Variants in NEGR1 observed in about 807,000 individuals in gnomAD.
NEGR1 encodes the protein neuronal growth regulator 1, also known as IgLON family member 4.
In NEGR1, 10 loss-of-function variants were observed where a neutral mutation model predicts 40.9. The ratio of observed to expected loss-of-function variants is 0.24; its 90% CI spans 0.15 to 0.42. NEGR1 has a LOEUF of 0.42. Among genes scored for constraint, NEGR1 ranks in the 10% least tolerant of loss-of-function variants. The pLI is 1.00. For synonymous variants in NEGR1, 185 were observed against 166.8 expected, an observed-to-expected ratio of 1.11 and a Z score of -0.84; for missense variants, 352 against 438.9, an observed-to-expected ratio of 0.80 and a Z score of 1.77.
chr1:71,871,457 A>G (rs1339132587), intron 2 of NEGR1, among the ~76,000 whole-genome samples: 2 of 152,180 alleles, frequency 1.3e-5, no homozygotes, highest in Non-Finnish European at 2.9e-5. Context: ...AGTAAACAAA[A>G]GAGTCATTTC....
chr1:71,958,776 A>G (rs1385128788), intron 1 of NEGR1, among the ~76,000 whole-genome samples: 1 of 151,942 alleles, frequency 6.6e-6, no homozygotes, highest in Non-Finnish European at 1.5e-5. Flanking sequence ...ACATAGTGAA[A>G]CCCCATCTCT....
chr1:71,698,880 G>C (rs1653581635), intron 3 of NEGR1, among the ~76,000 whole-genome samples: 1 of 151,900 alleles, frequency 6.6e-6, no homozygotes, highest in South Asian at 2.1e-4. Context: ...CCAAATGAAT[G>C]AGATTTGAGA....
intron 1 of NEGR1, among the ~76,000 whole-genome samples, chr1:72,063,074 T>C (rs1329508733): frequency 1.3e-5 from 2 of 151,640 alleles, no homozygotes; most frequent in Admixed American, 6.6e-5. Context: ...GATTATGATA[T>C]AGTATTTATT....
intron 6 of NEGR1, among the ~76,000 whole-genome samples, chr1:71,474,728 A>C (rs1468860141): frequency 6.7e-6 from 1 of 150,228 alleles, no homozygotes; most frequent in African/African-American, 2.5e-5. Context: ...AAAAAAAAAA[A>C]AAAAAAAAAA....
At chr1:72,175,074 G>C (rs1041188687) in intron 1 of NEGR1, among the ~76,000 whole-genome samples, 1 of 151,774 alleles carries the variant, frequency 6.6e-6, no homozygotes, top group Non-Finnish European at 1.5e-5. Context: ...CCATTAACTC[G>C]TCATTTAGCA....
chr1:72,245,506 T>C (rs1654874151), intron 1 of NEGR1, among the ~76,000 whole-genome samples: 2 of 152,092 alleles, frequency 1.3e-5, no homozygotes, highest in African/African-American at 2.4e-5. Context: ...TAAGATACTA[T>C]GGCATCAACT....
intron 1 of NEGR1, among the ~76,000 whole-genome samples, chr1:72,209,890 T>C (rs1397957225): frequency 6.6e-6 from 1 of 151,894 alleles, no homozygotes; most frequent in African/African-American, 2.4e-5. Context: ...ATTATAGCTA[T>C]AAATACAATA....
intron 4 of NEGR1, among the ~76,000 whole-genome samples, chr1:71,629,138 G>C (rs1318761041): frequency 6.6e-6 from 1 of 152,010 alleles, no homozygotes; most frequent in Non-Finnish European, 1.5e-5. Context: ...TTGTGGTTTT[G>C]ATTTGCATTT....
rs1335119840 is a variant in NEGR1, at chr1:72,282,488, T to C, written c.7A>G (p.Met3Val). The change falls in exon 1 of 7, where the codon ATG becomes GTG. Residue 3 changes from methionine (M) to valine (V), a missense_variant. Met to Val is a conservative substitution (Grantham distance 21). This residue lies in a region of NEGR1 where 81 missense variants were observed against 85.8 expected (regional missense o/e 0.94). Coordinates refer to ENST00000357731, the MANE Select transcript of NEGR1 (RefSeq NM_173808.3). ...CAAGCACCCTGCACCAACAGCATCATGTCCATCCCTGCTAGGGCTGCTCAC... is the reference window on the plus strand; with the variant it reads ...CAAGCACCCTGCACCAACAGCATCACGTCCATCCCTGCTAGGGCTGCTCAC... MD[M>V]MLLVQGACCS... The C allele has an allele frequency of 9.3e-6, 15 of 1,610,916 alleles. No individual in the cohort carries two copies. The highest frequency in any genetic ancestry group is 1.3e-5 in the Non-Finnish European group (15 of 1,179,566).
chr1:72,111,121 TAC>T (rs374834258), intron 1 of NEGR1, among the ~76,000 whole-genome samples: 13 of 149,456 alleles, frequency 8.7e-5, no homozygotes, highest in African/African-American at 2.4e-4. Context: ...CGTATATATA[TAC>T]ACACACACAC....
In NEGR1 at chr1:72,111,193, G is replaced by C. The variant is rs551949449; in HGVS notation, c.176+171126C>G. 2.0e-5 allele frequency among the ~76,000 whole-genome samples: 3 copies of C among 151,414 alleles called. No homozygotes were observed. In the South Asian group the frequency reaches 6.3e-4, roughly 32 times the overall value. On this transcript the variant is annotated intron_variant, in intron 1 of 6. Coordinates refer to ENST00000357731, the MANE Select transcript of NEGR1 (RefSeq NM_173808.3). ...ATACTGAACATGTGTTCCATGATTTGGGGTTGGCTATTAAACCTTTCTAAG... is the reference window on the plus strand; with the variant it reads ...ATACTGAACATGTGTTCCATGATTTCGGGTTGGCTATTAAACCTTTCTAAG...
At chr1:72,100,851 A>T (rs1037842749) in intron 1 of NEGR1, 1 of 152,236 alleles carries the variant, frequency 6.6e-6, no homozygotes, top group Non-Finnish European at 1.5e-5. Context: ...CATGATCAAG[A>T]TGCTGGCAAA....
At chr1:71,968,172 G>A (rs550610493) in intron 1 of NEGR1, among the ~76,000 whole-genome samples, 12 of 152,124 alleles carry the variant, frequency 7.9e-5, no homozygotes, top group African/African-American at 2.9e-4. Flanking sequence ...AAATCTGTAC[G>A]ATTATAAAAA....
chr1:71,409,255 T>A (rs1226329444), intron 6 of NEGR1, among the ~76,000 whole-genome samples: 1 of 151,850 alleles, frequency 6.6e-6, no homozygotes, highest in East Asian at 1.9e-4. Context: ...TACAAATTAA[T>A]CTTTATTTAA....
At chr1:71,534,054 GA>G (rs1259597750) in intron 6 of NEGR1, among the ~76,000 whole-genome samples, 1 of 151,660 alleles carries the variant, frequency 6.6e-6, no homozygotes, top group Non-Finnish European at 1.5e-5. Context: ...TAAAAGCAAA[GA>G]TTCTTATGTA....
At position 71,491,209 on chromosome 1, in the gene NEGR1, A is replaced by G. The variant is rs186122448; in HGVS notation, c.941-83639T>C. ...ACTATTTATATGGCATTTACATAGT[A>G]TTAGGCATTATAAGTAGTCAAGAGA... On this transcript the variant is annotated intron_variant, in intron 6 of 6. Transcript: ENST00000357731. 7.0e-3 allele frequency among the ~76,000 whole-genome samples: 1,058 copies of G among 152,182 alleles called. 13 individuals are homozygous for G. The highest frequency in any genetic ancestry group is 0.014 in the Middle Eastern group (4 of 294).
intron 1 of NEGR1, among the ~76,000 whole-genome samples, chr1:72,095,053 C>T (rs970844920): frequency 6.6e-6 from 1 of 152,076 alleles, no homozygotes; most frequent in African/African-American, 2.4e-5. Context: ...CTAAAACTTA[C>T]AACTTAAAAA....
In NEGR1 at chr1:71,571,787, C is replaced by CAAA. The variant is rs34844215; in HGVS notation, c.940+21027_940+21029dup. Among the ~76,000 whole-genome samples the CAAA allele has an allele frequency of 3.3e-3, 354 of 106,098 alleles. 3 individuals are homozygous for CAAA. Among genetic ancestry groups the CAAA allele is most frequent in the African/African-American group, 9.1e-3 (247 of 27,202 alleles). The allele number at this position is 106,098 out of a possible 152,430, so 69.6% of individuals were successfully genotyped here. ...TGGGTGACAGAGGGAGCCCCTGTCT[C>CAAA]AAAAAAAAAAAAAAAAAAAAAATCT... On this transcript the variant is annotated intron_variant, in intron 6 of 6. Coordinates refer to ENST00000357731, the MANE Select transcript of NEGR1 (RefSeq NM_173808.3).
chr1:71,753,944 T>C (rs1034077356), intron 3 of NEGR1, among the ~76,000 whole-genome samples: 1 of 150,992 alleles, frequency 6.6e-6, no homozygotes, highest in Non-Finnish European at 1.5e-5. Context: ...CTTTGAGCAA[T>C]AAACTGCCAG....
Sources: allele counts gnomAD v4.1 joint callset (sites outside exome capture counted in the v4.1 genomes callset), GRCh38; gene constraint gnomAD v4.1.1; regional missense constraint gnomAD v4.1.1; transcripts MANE v1.5; gene names NCBI Gene and HGNC (gene_info 2026-07-23, HGNC 2026-07-21).